PARD3B: variants seen among roughly 807,000 people sequenced by gnomAD.
PARD3B encodes par-3 family cell polarity regulator beta.
In PARD3B, 103 loss-of-function variants were observed where a neutral mutation model predicts 130.2. That is an observed-to-expected ratio of 0.79 (90% confidence interval 0.67 to 0.93). PARD3B has a LOEUF of 0.93. Ranked by LOEUF, PARD3B falls within the 40% of genes least tolerant of loss-of-function variation. The probability of loss-of-function intolerance (pLI) is 0.00; values close to 1 mark genes in which losing one functional copy is unlikely to be tolerated. For missense variants in PARD3B, 1,609 were observed against 1,499.2 expected (o/e 1.07, Z -1.21); for synonymous variants, 583 against 553.2 (o/e 1.05, Z -0.76).
At chr2:205,095,388 C>T (rs1411731103) in intron 4 of PARD3B, among the ~76,000 whole-genome samples, 4 of 152,056 alleles carry the variant, frequency 2.6e-5, no homozygotes, top group Non-Finnish European at 5.9e-5. Context: ...GAGAAAGAAA[C>T]AGTGAACAAT....
chr2:204,636,425 TCTGAG>T (rs1166436284), intron 1 of PARD3B, among the ~76,000 whole-genome samples: 2 of 151,578 alleles, frequency 1.3e-5, no homozygotes, highest in Non-Finnish European at 2.9e-5. Flanking sequence ...CACAGGCCTT[TCTGAG>T]CTAAGACTTT....
intron 20 of PARD3B, among the ~76,000 whole-genome samples, chr2:205,480,555 C>A (rs960588059): frequency 2.0e-5 from 3 of 152,110 alleles, no homozygotes; most frequent in Non-Finnish European, 4.4e-5. Flanking sequence ...TCCTATATCC[C>A]CAGGACCTGT....
chr2:204,557,667 G>C (rs2031017532), intron 1 of PARD3B, among the ~76,000 whole-genome samples: 2 of 152,158 alleles, frequency 1.3e-5, no homozygotes, highest in African/African-American at 4.8e-5. Context: ...ATATATGGTA[G>C]ATATACATAT....
chr2:204,776,610 A>T (rs1405657730), intron 2 of PARD3B, among the ~76,000 whole-genome samples: 1 of 151,814 alleles, frequency 6.6e-6, no homozygotes, highest in Non-Finnish European at 1.5e-5. Context: ...TTTTTCCCCG[A>T]GACATGGCAT....
At chr2:205,314,093 G>T (rs1488188152) in intron 18 of PARD3B, among the ~76,000 whole-genome samples, 1 of 152,130 alleles carries the variant, frequency 6.6e-6, no homozygotes, top group Non-Finnish European at 1.5e-5. Context: ...TCATGTCCTT[G>T]TGGGATGTTT....
At chr2:205,334,878 CT>C (rs2043254104) in intron 18 of PARD3B, among the ~76,000 whole-genome samples, 1 of 152,210 alleles carries the variant, frequency 6.6e-6, no homozygotes, top group Non-Finnish European at 1.5e-5. Flanking sequence ...CCTCATGTGT[CT>C]TTTACCTAAG....
In PARD3B at chr2:205,241,768, CTTTG is replaced by C. The variant is rs1404533068; in HGVS notation, c.2141-4006_2141-4003del. ...TTTTTCAATCTCTTGTAAATAAGTC[CTTTG>C]TTTAAAATGACACACCTGTCACATT... On this transcript the variant is annotated intron_variant, in intron 15 of 22. Transcript: ENST00000406610. The surrounding 1 kb of genome is among the most constrained non-coding windows in gnomAD (Gnocchi z 4.2). Among the ~76,000 whole-genome samples, 6 of 152,070 alleles carry C rather than the reference CTTTG, an allele frequency of 3.9e-5. No homozygotes were observed.
In PARD3B at chr2:205,158,285, TA is replaced by T. The variant is rs1183686115; in HGVS notation, c.1435-435del. On this transcript the variant is annotated intron_variant, in intron 10 of 22. Coordinates refer to ENST00000406610, the MANE Select transcript of PARD3B (RefSeq NM_001302769.2). The surrounding 1 kb of genome is among the most constrained non-coding windows in gnomAD (Gnocchi z 5.4). ...TATGCCCCATATTTTCCTGAAATTTTAAGACGTTTCTACACTAAACTCTGTT... is the reference window on the plus strand; with the variant it reads ...TATGCCCCATATTTTCCTGAAATTTTAGACGTTTCTACACTAAACTCTGTT... 1.3e-5 allele frequency among the ~76,000 whole-genome samples: 2 copies of T among 152,200 alleles called. No individual in the cohort carries two copies. Among genetic ancestry groups the T allele is most frequent in the Non-Finnish European group, 2.9e-5 (2 of 68,036 alleles).
chr2:204,789,080 AG>A (rs1412786313), intron 2 of PARD3B, among the ~76,000 whole-genome samples: 2 of 152,140 alleles, frequency 1.3e-5, no homozygotes, highest in Non-Finnish European at 2.9e-5. Context: ...TTTTATAGTC[AG>A]GGCCTCTCTC....
rs778052852 is a variant in PARD3B at position 204,805,761 on chromosome 2, A to G, written c.222+119479A>G. On this transcript the variant is annotated intron_variant, in intron 2 of 22. Coordinates refer to ENST00000406610, the MANE Select transcript of PARD3B (RefSeq NM_001302769.2). ...ATGCAAGGCAAGGGTGGTTCACCAC[A>G]TACAAACCAATCAAAGTGATACATT... is the stretch of plus-strand genomic sequence containing the variant. Among the ~76,000 whole-genome samples the G allele has an allele frequency of 1.1e-4, 16 of 152,190 alleles. 1 individual carries two copies. Among genetic ancestry groups the G allele is most frequent in the Non-Finnish European group, 2.4e-4 (16 of 68,026 alleles).
intron 2 of PARD3B, among the ~76,000 whole-genome samples, chr2:204,817,949 G>A (rs551534991): frequency 6.6e-6 from 1 of 152,120 alleles, no homozygotes; most frequent in Non-Finnish European, 1.5e-5. Flanking sequence ...TAAATATCTG[G>A]TCTCTTCTCC....
chr2:204,945,851 C>A (rs1689279602), intron 2 of PARD3B, among the ~76,000 whole-genome samples: 1 of 148,154 alleles, frequency 6.7e-6, no homozygotes, highest in African/African-American at 2.5e-5. Context: ...TTCCTGTTAA[C>A]CTCCAGAGAC....
At chr2:204,946,596 A>C (rs968968273) in intron 2 of PARD3B, among the ~76,000 whole-genome samples, 5 of 152,162 alleles carry the variant, frequency 3.3e-5, no homozygotes, top group Non-Finnish European at 5.9e-5. Flanking sequence ...GGATGTTGCC[A>C]GTTGCTTGAC....
intron 21 of PARD3B, among the ~76,000 whole-genome samples, chr2:205,532,688 A>C (rs2051654930): frequency 6.6e-6 from 1 of 152,140 alleles, no homozygotes; most frequent in African/African-American, 2.4e-5. Flanking sequence ...AGGAGGGCAA[A>C]ATCTGAGGTG....
chr2:204,751,166 C>CT, intron 2 of PARD3B, among the ~76,000 whole-genome samples: 1 of 152,048 alleles, frequency 6.6e-6, no homozygotes, highest in African/African-American at 2.4e-5. Context: ...GAAGCAGCTT[C>CT]TTTTTTTGAC....
chr2:204,960,443 AAGG>A (rs1432710010), intron 2 of PARD3B, among the ~76,000 whole-genome samples: 1 of 152,206 alleles, frequency 6.6e-6, no homozygotes, highest in African/African-American at 2.4e-5. Flanking sequence ...TTGAATAAAA[AAGG>A]AGGAATTTAT....
intron 3 of PARD3B, among the ~76,000 whole-genome samples, chr2:205,029,813 G>A (rs1697298432): frequency 6.6e-6 from 1 of 152,114 alleles, no homozygotes; most frequent in African/African-American, 2.4e-5. Context: ...AAAAACAGAA[G>A]GGCTGTGGAA....
At chr2:205,029,908 G>A (rs977647047) in intron 3 of PARD3B, among the ~76,000 whole-genome samples, 1 of 152,160 alleles carries the variant, frequency 6.6e-6, no homozygotes, top group Non-Finnish European at 1.5e-5. Flanking sequence ...CCAATAGGGA[G>A]TTGCAAACCT....
intron 3 of PARD3B, among the ~76,000 whole-genome samples, chr2:204,988,625 C>T (rs1020283341): frequency 6.6e-6 from 1 of 151,742 alleles, no homozygotes; most frequent in Non-Finnish European, 1.5e-5. Context: ...TATTGTGTAC[C>T]CACAATAATT....
Sources: gnomAD v4.1 joint callset for allele counts (sites outside exome capture counted in the v4.1 genomes callset) on GRCh38, gnomAD v4.1.1 for gene constraint, Gnocchi (gnomAD v3.1) non-coding constraint, MANE v1.5 for transcripts, NCBI Gene and HGNC (gene_info 2026-07-23, HGNC 2026-07-21) for gene names.